DCC: variants seen among roughly 807,000 people sequenced by gnomAD.
The protein encoded by DCC is netrin receptor DCC.
In DCC, 58 loss-of-function variants were observed where a neutral mutation model predicts 172.5. The ratio of observed to expected loss-of-function variants is 0.34; its 90% CI spans 0.27 to 0.42. The LOEUF is 0.42. Among genes scored for constraint, DCC ranks in the 10% least tolerant of loss-of-function variants. The pLI is 1.00. For missense variants in DCC, 1,740 were observed against 1,791.0 expected (o/e 0.97, Z 0.51); for synonymous variants, 709 against 644.5 (o/e 1.10, Z -1.52).
At chr18:52,840,697 T>C (rs900237023) in intron 2 of DCC, among the ~76,000 whole-genome samples, 2 of 152,194 alleles carry the variant, frequency 1.3e-5, no homozygotes, top group African/African-American at 4.8e-5. Context: ...AAAATCTGGC[T>C]ATCTGGCTAT....
chr18:52,627,775 T>C (rs1054965463), intron 1 of DCC, among the ~76,000 whole-genome samples: 10 of 152,252 alleles, frequency 6.6e-5, no homozygotes, highest in Non-Finnish European at 1.2e-4. Context: ...ATTTCTACTT[T>C]TCTTGCTTGT....
chr18:52,733,651 C>T (rs1185704440), intron 1 of DCC, among the ~76,000 whole-genome samples: 1 of 152,006 alleles, frequency 6.6e-6, no homozygotes, highest in Non-Finnish European at 1.5e-5. Context: ...TGTACCACCA[C>T]AACTGGCTAT....
intron 1 of DCC, among the ~76,000 whole-genome samples, chr18:52,394,684 C>T (rs1213642305): frequency 6.6e-6 from 1 of 152,002 alleles, no homozygotes; most frequent in Non-Finnish European, 1.5e-5. Flanking sequence ...CCTGCAGCTT[C>T]CAGAGCCCCA....
intron 5 of DCC, among the ~76,000 whole-genome samples, chr18:52,950,734 C>CT (rs1338664179): frequency 3.3e-5 from 5 of 151,692 alleles, no homozygotes; most frequent in Non-Finnish European, 5.9e-5. Flanking sequence ...ACCATCCTGG[C>CT]TAACACGGTG....
intron 1 of DCC, among the ~76,000 whole-genome samples, chr18:52,439,350 A>G (rs1987902539): frequency 6.6e-6 from 1 of 152,076 alleles, no homozygotes; most frequent in Non-Finnish European, 1.5e-5. Context: ...GCAGGAACAC[A>G]TTAGCTGTAG....
intron 5 of DCC, among the ~76,000 whole-genome samples, chr18:53,015,112 A>G (rs1454682564): frequency 6.6e-6 from 1 of 152,194 alleles, no homozygotes; most frequent in Non-Finnish European, 1.5e-5. Context: ...CAGATTCTAG[A>G]CTATCACTAG....
At chr18:52,864,122 A>G (rs1212877678) in intron 2 of DCC, among the ~76,000 whole-genome samples, 2 of 152,228 alleles carry the variant, frequency 1.3e-5, no homozygotes. Flanking sequence ...ATTTTTAGCC[A>G]TGAGTCAGGT....
At chr18:52,614,044 T>C (rs2034328086) in intron 1 of DCC, among the ~76,000 whole-genome samples, 1 of 152,196 alleles carries the variant, frequency 6.6e-6, no homozygotes, top group African/African-American at 2.4e-5. Context: ...ATAGATTATT[T>C]GGTACCAACG....
intron 1 of DCC, among the ~76,000 whole-genome samples, chr18:52,513,045 C>T (rs1272501061): frequency 6.6e-6 from 1 of 151,994 alleles, no homozygotes; most frequent in African/African-American, 2.4e-5. Context: ...CCTGTGATCC[C>T]TAAAGAGAAC....
intron 17 of DCC, among the ~76,000 whole-genome samples, chr18:53,392,331 G>T (rs919728903): frequency 5.0e-5 from 6 of 119,140 alleles, no homozygotes; most frequent in African/African-American, 1.6e-4. Flanking sequence ...ATAAGTTGAA[G>T]ATATTTTTTT....
At chr18:53,420,732 T>A (rs1188245691) in intron 21 of DCC, among the ~76,000 whole-genome samples, 1 of 152,196 alleles carries the variant, frequency 6.6e-6, no homozygotes, top group East Asian at 1.9e-4. Flanking sequence ...ATAAAGGCCC[T>A]ATATTCAAAT....
intron 12 of DCC, among the ~76,000 whole-genome samples, chr18:53,250,342 C>A (rs559624033): frequency 6.6e-6 from 1 of 151,370 alleles, no homozygotes; most frequent in Admixed American, 6.6e-5. Context: ...TAGTTTATTT[C>A]AGTTTTCTTT....
intron 2 of DCC, among the ~76,000 whole-genome samples, chr18:52,764,713 G>A (rs185962355): frequency 5.3e-5 from 8 of 152,036 alleles, no homozygotes; most frequent in Admixed American, 2.0e-4. Flanking sequence ...CCAAATGAAC[G>A]TTTTTTCTTT....
chr18:53,412,026 A>G (rs1479634887), intron 20 of DCC, among the ~76,000 whole-genome samples: 3 of 152,174 alleles, frequency 2.0e-5, no homozygotes, highest in Non-Finnish European at 4.4e-5. Context: ...AGGCATCCAA[A>G]TGTGTTAAAC....
chr18:53,226,436 T>C (rs2056028666), intron 12 of DCC, among the ~76,000 whole-genome samples: 1 of 152,136 alleles, frequency 6.6e-6, no homozygotes, highest in Non-Finnish European at 1.5e-5. Flanking sequence ...GAAGATTCTG[T>C]ACCTCAAGCT....
At chr18:53,327,167 G>T (rs34921006) in intron 14 of DCC, among the ~76,000 whole-genome samples, 15,690 of 152,158 alleles carry the variant, frequency 0.1, 869 homozygotes, top group Middle Eastern at 0.19. Flanking sequence ...CTCTTGGATT[G>T]CCCTTTTAAT....
At chr18:52,923,577 G>A (rs1296020685) in intron 3 of DCC, 130 bp from the exon 4 acceptor site, 5 of 741,220 alleles carry the variant, frequency 6.7e-6, no homozygotes, top group South Asian at 3.1e-5. Flanking sequence ...AACTATTTTA[G>A]GAGTTTACAA....
At chr18:53,304,907 A>G (rs1415008651) in intron 12 of DCC, among the ~76,000 whole-genome samples, 1 of 152,036 alleles carries the variant, frequency 6.6e-6, no homozygotes, top group African/African-American at 2.4e-5. Context: ...TAGCTCCCAT[A>G]ATTCCTACCT....
chr18:52,415,624 G>A (rs1029065617), intron 1 of DCC, among the ~76,000 whole-genome samples: 1 of 152,106 alleles, frequency 6.6e-6, no homozygotes, highest in African/African-American at 2.4e-5. Context: ...AGAGAATTGC[G>A]AGAGTATGGA....
Sources: gnomAD v4.1 joint callset for allele counts (sites outside exome capture counted in the v4.1 genomes callset) on GRCh38, gnomAD v4.1.1 for gene constraint, MANE v1.5 for transcripts, NCBI Gene and HGNC (gene_info 2026-07-23, HGNC 2026-07-21) for gene names.